Variants in EHBP1 observed in about 807,000 individuals in gnomAD.
EHBP1 encodes EH domain-binding protein 1.
A neutral mutation model predicts 144.0 loss-of-function variants in EHBP1; 55 were observed. That is an observed-to-expected ratio of 0.38 (90% CI 0.31 to 0.48). The LOEUF is 0.48. Ranked by LOEUF, EHBP1 falls within the 20% of genes least tolerant of loss-of-function variation. EHBP1 has a pLI of 0.98. For synonymous variants in EHBP1, 469 were observed against 472.7 expected (o/e 0.99, Z 0.10); for missense variants, 1,200 against 1,364.2 (o/e 0.88, Z 1.90).
chr2:62,922,647 A>G (rs72890504), intron 10 of EHBP1, among the ~76,000 whole-genome samples: 5,463 of 152,302 alleles, frequency 0.036, 346 homozygotes, highest in African/African-American at 0.12. Context: ...TCCCTACAAG[A>G]AAGAATAAAT....
intron 2 of EHBP1, among the ~76,000 whole-genome samples, chr2:62,716,448 A>G (rs1572939398): frequency 6.6e-6 from 1 of 152,206 alleles, no homozygotes; most frequent in South Asian, 2.1e-4. Flanking sequence ...TTTTATGGTC[A>G]TCTTCATTCC....
intron 5 of EHBP1, among the ~76,000 whole-genome samples, chr2:62,812,980 A>G (rs1448549429): frequency 1.3e-5 from 2 of 152,200 alleles, no homozygotes; most frequent in South Asian, 2.1e-4. Flanking sequence ...AGAGAGTACA[A>G]CTAGAAGGGA....
chr2:62,972,782 T>C (rs1349791911), intron 14 of EHBP1, among the ~76,000 whole-genome samples: 2 of 152,182 alleles, frequency 1.3e-5, no homozygotes, highest in African/African-American at 4.8e-5. Flanking sequence ...AGGCTCAAGA[T>C]TTTGTGCTGT....
intron 13 of EHBP1, 146 bp downstream of exon 13, chr2:62,949,308 G>A (rs563106842): frequency 1.3e-5 from 9 of 710,152 alleles, no homozygotes; most frequent in African/African-American, 1.1e-4. Flanking sequence ...AGTAATGTGT[G>A]CCTAAGTCCC....
intron 10 of EHBP1, among the ~76,000 whole-genome samples, chr2:62,933,148 C>G (rs1374636706): frequency 6.6e-6 from 1 of 151,484 alleles, no homozygotes; most frequent in East Asian, 1.9e-4. Flanking sequence ...TTATATTAAA[C>G]TATATCACAT....
chr2:62,861,949 T>C (rs2049587744), intron 8 of EHBP1, among the ~76,000 whole-genome samples: 1 of 152,202 alleles, frequency 6.6e-6, no homozygotes, highest in Admixed American at 6.5e-5. Context: ...TTTGTCAGTT[T>C]CTTAAGCATT....
chr2:62,678,487 G>A (rs1483361309), intron 1 of EHBP1, among the ~76,000 whole-genome samples: 1 of 152,016 alleles, frequency 6.6e-6, no homozygotes, highest in Non-Finnish European at 1.5e-5. Flanking sequence ...TTTACAGGTT[G>A]TGTTTTATTT....
At chr2:62,935,351 A>ATC in intron 10 of EHBP1, among the ~76,000 whole-genome samples, 1 of 147,184 alleles carries the variant, frequency 6.8e-6, no homozygotes, top group Admixed American at 6.8e-5. Context: ...AAAAATATAT[A>ATC]TATATATATA....
At chr2:62,886,004 C>T (rs2051896143) in intron 10 of EHBP1, among the ~76,000 whole-genome samples, 1 of 152,218 alleles carries the variant, frequency 6.6e-6, no homozygotes. Flanking sequence ...TGTTTTCAGA[C>T]TTGAGTAGAC....
At chr2:62,973,147 G>A (rs1041446218) in intron 14 of EHBP1, among the ~76,000 whole-genome samples, 1 of 152,142 alleles carries the variant, frequency 6.6e-6, no homozygotes, top group East Asian at 1.9e-4. Context: ...GGTAGAGGAG[G>A]TGATAGCTTG....
At chr2:62,848,962 A>C (rs191145017) in intron 7 of EHBP1, among the ~76,000 whole-genome samples, 1 of 152,312 alleles carries the variant, frequency 6.6e-6, no homozygotes, top group African/African-American at 2.4e-5. Flanking sequence ...TAGGTTTGTA[A>C]GAAAATGAAT....
At position 63,045,751 on chromosome 2, in the gene EHBP1, C is replaced by T; in HGVS notation, c.*251C>T. ...CTTGAAATCCTGTGAAATAGATTTG[C>T]ACAGACACCTTGTGAGTGATTGGTA... is the stretch of plus-strand genomic sequence containing the variant. On this transcript the variant is annotated 3_prime_UTR_variant, in exon 23 of 23. Coordinates refer to ENST00000431489, the MANE Select transcript of EHBP1 (RefSeq NM_001142616.3). The surrounding 1 kb of genome is among the most constrained non-coding windows in gnomAD (Gnocchi z 5.7). 2.2e-6 allele frequency: 1 copy of T among 448,506 alleles called. No individual in the cohort carries two copies. The highest frequency in any genetic ancestry group is 4.1e-6 in the Non-Finnish European group (1 of 245,308). 27.8% of individuals were successfully genotyped at this position (448,506 alleles called of 1,614,324 possible). A position where few individuals can be genotyped will look rare whatever the true frequency, so the allele number is the denominator to read the frequency against.
intron 15 of EHBP1, among the ~76,000 whole-genome samples, chr2:62,980,657 T>TG (rs1241770572): frequency 1.3e-5 from 2 of 152,018 alleles, no homozygotes; most frequent in Non-Finnish European, 2.9e-5. Flanking sequence ...TCTGTCCCTC[T>TG]GGTCTTCTCA....
intron 6 of EHBP1, among the ~76,000 whole-genome samples, chr2:62,829,685 A>G (rs1179688227): frequency 6.8e-6 from 1 of 146,654 alleles, no homozygotes; most frequent in African/African-American, 2.5e-5. Flanking sequence ...TATTGTGTAT[A>G]TATAATATAT....
intron 1 of EHBP1, among the ~76,000 whole-genome samples, chr2:62,693,543 C>T (rs1159478072): frequency 1.3e-5 from 2 of 152,092 alleles, no homozygotes; most frequent in African/African-American, 4.8e-5. Context: ...GTGTTTTTGA[C>T]AAGTGCATAC....
intron 10 of EHBP1, among the ~76,000 whole-genome samples, chr2:62,874,767 A>T (rs896922808): frequency 2.0e-5 from 3 of 152,178 alleles, no homozygotes; most frequent in African/African-American, 7.2e-5. Context: ...TTTTGAAATG[A>T]GAGGAAGAAA....
intron 3 of EHBP1, among the ~76,000 whole-genome samples, chr2:62,763,186 A>G (rs992599705): frequency 3.3e-5 from 5 of 152,194 alleles, no homozygotes; most frequent in Admixed American, 3.3e-4. Flanking sequence ...CTATTGAAAA[A>G]TATTACCTTT....
chr2:62,766,763 A>G (rs1255812411), intron 4 of EHBP1, among the ~76,000 whole-genome samples: 1 of 152,084 alleles, frequency 6.6e-6, no homozygotes, highest in Admixed American at 6.6e-5. Flanking sequence ...TGTAAGAAGT[A>G]GTATGTCATT....
chr2:62,721,205 T>G (rs1294767686), intron 2 of EHBP1, among the ~76,000 whole-genome samples: 1 of 152,226 alleles, frequency 6.6e-6, no homozygotes, highest in Non-Finnish European at 1.5e-5. Context: ...GGTTAGGTTA[T>G]TTTGTAGAAT....
Sources: allele counts gnomAD v4.1 joint callset (sites outside exome capture counted in the v4.1 genomes callset), GRCh38; gene constraint gnomAD v4.1.1; non-coding constraint Gnocchi (gnomAD v3.1); transcripts MANE v1.5; gene names NCBI Gene and HGNC (gene_info 2026-07-23, HGNC 2026-07-21).